LAMP2: variants seen among roughly 807,000 people sequenced by gnomAD.
LAMP2 encodes lysosome associated membrane protein 2.
Under a neutral mutation model 25.6 loss-of-function variants are expected in LAMP2, and 4 were observed. That is an observed-to-expected ratio of 0.16 (90% CI 0.08 to 0.36). The LOEUF is 0.36. Ranked by LOEUF, LAMP2 falls within the 10% of genes least tolerant of loss-of-function variation. The pLI is 1.00. For missense variants in LAMP2, 272 were observed against 301.4 expected, an observed-to-expected ratio of 0.90 and a Z score of 0.72; for synonymous variants, 108 against 112.7, an observed-to-expected ratio of 0.96 and a Z score of 0.27.
At chrX:120,432,697 G>A (rs1046362061) in intron 8 of LAMP2, among the ~76,000 whole-genome samples, 4 of 111,640 alleles carry the variant, frequency 3.6e-5, no homozygotes, top group Non-Finnish European at 7.5e-5. Flanking sequence ...CTATAAAAGA[G>A]GAAGAATATA....
chrX:120,454,710 A>G (rs1404199735), intron 3 of LAMP2, among the ~76,000 whole-genome samples: 3 of 109,717 alleles, frequency 2.7e-5, no homozygotes, highest in Admixed American at 2.0e-4. Flanking sequence ...CTGCAGGTCA[A>G]TAGACTGCTT....
intron 8 of LAMP2, chrX:120,437,246 C>A: frequency 7.0e-6 from 5 of 719,111 alleles, no homozygotes; most frequent in Non-Finnish European, 8.2e-6. Flanking sequence ...CAATATAACT[C>A]AGTTATATTG....
chrX:120,453,978 T>A (rs979445180), intron 3 of LAMP2, among the ~76,000 whole-genome samples: 3 of 111,923 alleles, frequency 2.7e-5, no homozygotes, highest in African/African-American at 9.7e-5. Flanking sequence ...TCTCCCCTTA[T>A]CCACGGTTTT....
chrX:120,460,761 G>A (rs1160266924), intron 1 of LAMP2, among the ~76,000 whole-genome samples: 1 of 111,704 alleles, frequency 9.0e-6, no homozygotes, highest in Non-Finnish European at 1.9e-5. Context: ...GACCAGCCTG[G>A]CCACCATGGC....
In LAMP2 at chrX:120,429,487, C is replaced by CA. The variant is rs1273524163; in HGVS notation, c.*1835dup. 5.6e-6 allele frequency: 4 copies of CA among 711,432 alleles called. No individual in the cohort carries two copies. The African/African-American group carries it at 9.5e-5, about 17-fold the overall frequency. The allele number at this position is 711,432 out of a possible 1,213,427, so 58.6% of individuals were successfully genotyped here. A position where few individuals can be genotyped will look rare whatever the true frequency, so the allele number is the denominator to read the frequency against. ...CATCTGATACACATCAAGAGGTCAA[C>CA]AAGTATTCATTCTCTTCTCTTTTCC... On this transcript the variant is annotated 3_prime_UTR_variant, in exon 9 of 9. Transcript: ENST00000200639.
At position 120,442,588 on chromosome X, in the gene LAMP2, G is replaced by A. The variant is rs2058578330; in HGVS notation, c.928+11C>T. 3 of 1,191,613 alleles carry A rather than the reference G, an allele frequency of 2.5e-6. No homozygotes were observed. The highest frequency in any genetic ancestry group is 1.8e-5 in the African/African-American group (1 of 56,895). ...CCACAGTCTTTTTCCCCAGGCCAGTGCTTTGCTTACCGGAGCCATTAACCA... is the reference window on the plus strand; with the variant it reads ...CCACAGTCTTTTTCCCCAGGCCAGTACTTTGCTTACCGGAGCCATTAACCA... On this transcript the variant is annotated intron_variant, in intron 7 of 8. Transcript: ENST00000200639.
At chrX:120,458,694 T>C (rs1253229231) in intron 1 of LAMP2, among the ~76,000 whole-genome samples, 3 of 111,878 alleles carry the variant, frequency 2.7e-5, no homozygotes, top group Non-Finnish European at 5.6e-5. Context: ...TCCTCCAAAC[T>C]GGGTCCCTCC....
intron 1 of LAMP2, among the ~76,000 whole-genome samples, chrX:120,459,708 G>A (rs1167348836): frequency 8.9e-6 from 1 of 112,167 alleles, no homozygotes; most frequent in African/African-American, 3.2e-5. Context: ...ACAGATGTAA[G>A]GGAAAAGTGC....
At position 120,426,608 on chromosome X, in the gene LAMP2, C is replaced by T. The variant is rs1204317993; in HGVS notation, c.*4715G>A. Among the ~76,000 whole-genome samples the T allele has an allele frequency of 9.0e-6, 1 of 111,651 alleles. No individual in the cohort carries two copies. Among genetic ancestry groups the T allele is most frequent in the Non-Finnish European group, 1.9e-5 (1 of 53,029 alleles). ...TTAGTCTCATACCCAAAAGGTAGAA[C>T]ACTTTTAAATGAACCCATAATTTTG... On this transcript the variant is annotated 3_prime_UTR_variant, in exon 9 of 9. Transcript: ENST00000200639.
At chrX:120,439,968 A>G (rs1262810691) in intron 8 of LAMP2, among the ~76,000 whole-genome samples, 1 of 111,316 alleles carries the variant, frequency 9.0e-6, no homozygotes. Flanking sequence ...CTGGTCCAAG[A>G]GCTAAAAATG....
intron 4 of LAMP2, among the ~76,000 whole-genome samples, chrX:120,448,750 C>A (rs1373308312): frequency 8.9e-6 from 1 of 112,415 alleles, no homozygotes; most frequent in Non-Finnish European, 1.9e-5. Flanking sequence ...TAGGTAGTGT[C>A]TTTTAAAATA....
Position 120,428,646 on chromosome X carries a change from A to G in LAMP2, c.*2677T>C, listed in dbSNP as rs763082089. 6.9e-6 allele frequency: 8 copies of G among 1,154,967 alleles called. No individual in the cohort carries two copies. In the Admixed American group the frequency reaches 1.8e-4, roughly 26 times the overall value. On this transcript the variant is annotated 3_prime_UTR_variant, in exon 9 of 9. Transcript: ENST00000200639. ...CTTCAGCTGTTAGAAAAGAACAGAC[A>G]GCAAGGAAAGGAAATTAGCAAAGAA...
At chrX:120,439,578 G>A (rs894604400) in intron 8 of LAMP2, among the ~76,000 whole-genome samples, 1 of 108,681 alleles carries the variant, frequency 9.2e-6, no homozygotes, top group Non-Finnish European at 1.9e-5. Flanking sequence ...AGCTCATATT[G>A]TAATGTGCAT....
chrX:120,451,212 C>T (rs1370225518), intron 3 of LAMP2, among the ~76,000 whole-genome samples: 1 of 111,602 alleles, frequency 9.0e-6, no homozygotes, highest in Non-Finnish European at 1.9e-5. Context: ...AGCCACCACA[C>T]CTGGCCAGTA....
intron 1 of LAMP2, among the ~76,000 whole-genome samples, chrX:120,458,144 A>C: frequency 8.9e-6 from 1 of 111,986 alleles, no homozygotes; most frequent in African/African-American, 3.2e-5. Flanking sequence ...GCTCCCTGCC[A>C]TGGAGCCAAG....
intron 3 of LAMP2, among the ~76,000 whole-genome samples, chrX:120,451,751 CCA>C (rs2058622275): frequency 8.9e-6 from 1 of 111,865 alleles, no homozygotes. Flanking sequence ...CAGGTGTGAG[CCA>C]CTGCGCCCAG....
chrX:120,447,301 G>A (rs1480675907), intron 5 of LAMP2, among the ~76,000 whole-genome samples: 1 of 111,438 alleles, frequency 9.0e-6, no homozygotes, highest in Non-Finnish European at 1.9e-5. Context: ...CCAGCTACTC[G>A]GGAGGCTGAG....
At chrX:120,451,329 A>AT (rs1189339252) in intron 3 of LAMP2, among the ~76,000 whole-genome samples, 1 of 112,389 alleles carries the variant, frequency 8.9e-6, no homozygotes, top group Non-Finnish European at 1.9e-5. Flanking sequence ...TTTTATTTTT[A>AT]TTTTTTGAGA....
intron 2 of LAMP2, 52 bp from the exon 3 acceptor site, chrX:120,455,622 C>G (rs1569371354): frequency 5.1e-6 from 5 of 972,968 alleles, no homozygotes; most frequent in Non-Finnish European, 7.3e-6. Context: ...GCAAGGAACA[C>G]CAAGCATTTA....
Sources: allele counts gnomAD v4.1 joint callset (sites outside exome capture counted in the v4.1 genomes callset), GRCh38; gene constraint gnomAD v4.1.1; transcripts MANE v1.5; gene names NCBI Gene and HGNC (gene_info 2026-07-23, HGNC 2026-07-21).